NCOA1: variants seen among roughly 807,000 people sequenced by gnomAD.
NCOA1 encodes nuclear receptor coactivator 1, also known as Hin-2 protein.
Under a neutral mutation model 150.9 loss-of-function variants are expected in NCOA1, and 35 were observed. That is an observed-to-expected ratio of 0.23 (90% confidence interval 0.18 to 0.31). The LOEUF is 0.31. Among genes scored for constraint, NCOA1 ranks in the 10% least tolerant of loss-of-function variants. NCOA1 has a pLI of 1.00. For synonymous variants in NCOA1, 590 were observed against 630.0 expected, an observed-to-expected ratio of 0.94 and a Z score of 0.95; for missense variants, 1,491 against 1,749.3, an observed-to-expected ratio of 0.85 and a Z score of 2.63.
chr2:24,564,640 A>C (rs1034021670), intron 2 of NCOA1: 4 of 152,180 alleles, frequency 2.6e-5, no homozygotes, highest in Non-Finnish European at 5.9e-5. Flanking sequence ...AGCCTGCAGT[A>C]CTCAGTATTC....
chr2:24,673,428 A>T lies in NCOA1; in HGVS notation c.319A>T (p.Ile107Leu). ...SDISSSSQGV[I>L]EKESLGPLLL... ...CATCTCATCAAGTAGTCAAGGAGTG[A>T]TAGAAAAGGAATCCTTGGGACCTCT... is the stretch of plus-strand genomic sequence containing the variant. Residue 107 changes from isoleucine to leucine, a missense_variant, in exon 7 of 23, where the codon ATA becomes TTA. This residue lies in a region of NCOA1 where 80 missense variants were observed against 163.0 expected (regional missense o/e 0.49). Transcript: ENST00000348332. 6.3e-7 allele frequency: 1 copy of T among 1,594,186 alleles called. No individual in the cohort carries two copies. Among genetic ancestry groups the T allele is most frequent in the Non-Finnish European group, 8.5e-7 (1 of 1,173,278 alleles).
intron 5 of NCOA1, among the ~76,000 whole-genome samples, chr2:24,662,802 T>C (rs1671243119): frequency 6.6e-6 from 1 of 151,828 alleles, no homozygotes; most frequent in African/African-American, 2.4e-5. Context: ...TTTTTTTCTG[T>C]TAAGGGACAG....
rs747140009 is a variant in NCOA1, at chr2:24,729,660, C to T, written c.3046C>T (p.Pro1016Ser). 1.3e-5 allele frequency: 21 copies of T among 1,614,062 alleles called. No homozygotes were observed. The highest frequency in any genetic ancestry group is 1.7e-5 in the Non-Finnish European group (20 of 1,180,034). ...TTTCCAAGGCATGGTCAGGCAAAAA[C>T]CTTCACTGGGGACGATGCCTGTTCA... ...SPFQGMVRQK[P>S]SLGTMPVQVT... Residue 1016 changes from proline (P) to serine (S), a missense_variant, in exon 17 of 23, where the codon CCT (proline) becomes TCT (serine). Pro to Ser is a moderately conservative substitution (Grantham distance 74). Transcript: ENST00000348332.
intron 3 of NCOA1, among the ~76,000 whole-genome samples, chr2:24,611,907 C>T (rs1233579513): frequency 2.6e-5 from 4 of 151,818 alleles, no homozygotes; most frequent in South Asian, 2.1e-4. Context: ...GCATTTAAAC[C>T]GTTTACATTC....
chr2:24,664,916 A>G (rs981868474), intron 5 of NCOA1, among the ~76,000 whole-genome samples: 1 of 152,182 alleles, frequency 6.6e-6, no homozygotes, highest in Non-Finnish European at 1.5e-5. Flanking sequence ...AAAATTTCAA[A>G]GTCATACTTA....
chr2:24,751,908 T>C (rs939575554), intron 19 of NCOA1, 74 bp from the exon 20 acceptor site: 2 of 1,337,410 alleles, frequency 1.5e-6, no homozygotes, highest in African/African-American at 1.5e-5. Flanking sequence ...TGACAGATCC[T>C]TTTGGGTTTT....
intron 7 of NCOA1, among the ~76,000 whole-genome samples, chr2:24,678,038 A>G (rs1231330107): frequency 6.6e-6 from 1 of 151,676 alleles, no homozygotes; most frequent in Non-Finnish European, 1.5e-5. Flanking sequence ...CCCTCCTGCC[A>G]CCCCTGCCCC....
At chr2:24,716,792 C>T (rs1370045324) in intron 14 of NCOA1, among the ~76,000 whole-genome samples, 1 of 152,152 alleles carries the variant, frequency 6.6e-6, no homozygotes, top group East Asian at 1.9e-4. Context: ...CTAGGCTAAA[C>T]CCAGATGGGT....
At chr2:24,498,654 G>A (rs1490116666) in intron 1 of NCOA1, among the ~76,000 whole-genome samples, 1 of 152,172 alleles carries the variant, frequency 6.6e-6, no homozygotes, top group East Asian at 1.9e-4. Context: ...AGGGGAAAGT[G>A]CAAGGAGTGT....
intron 4 of NCOA1, among the ~76,000 whole-genome samples, chr2:24,654,782 C>A (rs55768161): frequency 1.3e-5 from 2 of 151,910 alleles, no homozygotes; most frequent in Non-Finnish European, 2.9e-5. Context: ...GCCATGCTCA[C>A]CTCTTTCATG....
intron 1 of NCOA1, among the ~76,000 whole-genome samples, chr2:24,504,695 A>G (rs1374551310): frequency 6.6e-6 from 1 of 152,210 alleles, no homozygotes; most frequent in East Asian, 1.9e-4. Flanking sequence ...AAGTATTATG[A>G]ATTGTTTTAG....
At chr2:24,768,009 G>A (rs1029303460) in intron 22 of NCOA1, 2 of 1,520,310 alleles carry the variant, frequency 1.3e-6, no homozygotes, top group Non-Finnish European at 1.8e-6. Flanking sequence ...TTCCAATTTT[G>A]ATTTTATTTT....
chr2:24,579,482 A>G (rs1051333780), intron 2 of NCOA1, among the ~76,000 whole-genome samples: 5 of 152,214 alleles, frequency 3.3e-5, no homozygotes, highest in African/African-American at 1.2e-4. Context: ...CATATAAGAC[A>G]GGTTCACTCA....
chr2:24,686,841 AATT>A (rs1672426534), intron 8 of NCOA1, among the ~76,000 whole-genome samples: 1 of 152,138 alleles, frequency 6.6e-6, no homozygotes, highest in Admixed American at 6.5e-5. Flanking sequence ...ACTTGCTGTT[AATT>A]ATTGTTGTTG....
chr2:24,612,392 C>G (rs911580169), intron 3 of NCOA1, among the ~76,000 whole-genome samples: 3 of 152,034 alleles, frequency 2.0e-5, no homozygotes, highest in African/African-American at 7.2e-5. Context: ...TGTGTAGTAT[C>G]TCACAGGTGT....
At chr2:24,578,378 A>G (rs1192724493) in intron 2 of NCOA1, among the ~76,000 whole-genome samples, 1 of 152,150 alleles carries the variant, frequency 6.6e-6, no homozygotes, top group Non-Finnish European at 1.5e-5. Context: ...GAAGACTGTA[A>G]AGAAGTGATT....
intron 1 of NCOA1, among the ~76,000 whole-genome samples, chr2:24,498,042 A>C (rs1041261386): frequency 2.6e-5 from 4 of 152,258 alleles, no homozygotes; most frequent in African/African-American, 7.2e-5. Context: ...ATGTATATAA[A>C]CATATCACAT....
chr2:24,635,942 G>A (rs946150774), intron 3 of NCOA1, among the ~76,000 whole-genome samples: 1 of 152,158 alleles, frequency 6.6e-6, no homozygotes, highest in Non-Finnish European at 1.5e-5. Context: ...GGATCCGGTT[G>A]ATAGGAACAA....
chr2:24,669,041 AAAGT>A (rs1270530388), intron 6 of NCOA1, among the ~76,000 whole-genome samples: 8 of 152,328 alleles, frequency 5.3e-5, no homozygotes, highest in Admixed American at 5.2e-4. Flanking sequence ...AACTATACTG[AAAGT>A]AAGAGAGGAG....
Sources: gnomAD v4.1 joint callset for allele counts (sites outside exome capture counted in the v4.1 genomes callset) on GRCh38, gnomAD v4.1.1 for gene constraint, gnomAD v4.1.1 regional missense constraint, MANE v1.5 for transcripts, NCBI Gene and HGNC (gene_info 2026-07-23, HGNC 2026-07-21) for gene names.